MYLIP: variants seen among roughly 807,000 people sequenced by gnomAD.
The protein encoded by MYLIP is myosin regulatory light chain interacting protein, also known as E3 ubiquitin-protein ligase MYLIP.
MYLIP carries 26 observed loss-of-function variants against 45.8 expected under a neutral mutation model. The observed-to-expected ratio is 0.57, with a 90% CI of 0.42 to 0.79. The LOEUF (loss-of-function observed/expected upper bound fraction) is 0.79, where lower values mean the gene tolerates loss of function less well. MYLIP is among the 30% of genes least tolerant of loss of function. MYLIP has a pLI of 0.00. For synonymous variants in MYLIP, 213 were observed against 218.1 expected (o/e 0.98, Z 0.21); for missense variants, 494 against 555.6 (o/e 0.89, Z 1.11).
intron 5 of MYLIP, among the ~76,000 whole-genome samples, chr6:16,144,532 AC>A (rs1204061410): frequency 2.0e-5 from 3 of 152,230 alleles, no homozygotes; most frequent in African/African-American, 7.2e-5. Context: ...AAATAGATAC[AC>A]AAATTGTGAA....
rs116454818 is a variant in MYLIP at position 16,136,480 on chromosome 6, C to A, written c.279-5145C>A. The stretch of plus-strand genomic sequence containing the variant: ...ATCTAGTGTTTGTTTATCCGTACTC[C>A]TAATAATGAACACCTGTTTTCCAGC... On this transcript the variant is annotated intron_variant, in intron 2 of 6. Coordinates refer to ENST00000356840, the MANE Select transcript of MYLIP (RefSeq NM_013262.4). Among the ~76,000 whole-genome samples the A allele has an allele frequency of 2.2e-3, 338 of 152,212 alleles. 1 individual carries two copies. Among genetic ancestry groups the A allele is most frequent in the African/African-American group, 7.7e-3 (319 of 41,528 alleles).
downstream of MYLIP, among the ~76,000 whole-genome samples, chr6:16,150,593 C>T (rs1015873613): frequency 4.6e-5 from 7 of 151,984 alleles, no homozygotes; most frequent in East Asian, 9.6e-4. Context: ...ACTCGGAGGC[C>T]GGGAGGCGAG....
chr6:16,138,886 C>T (rs1014807712), intron 2 of MYLIP, among the ~76,000 whole-genome samples: 5 of 152,174 alleles, frequency 3.3e-5, no homozygotes, highest in African/African-American at 7.2e-5. Flanking sequence ...GGTCAATCAT[C>T]GCCCTTGCTA....
chr6:16,137,969 G>A (rs1031774665), intron 2 of MYLIP, among the ~76,000 whole-genome samples: 7 of 151,950 alleles, frequency 4.6e-5, no homozygotes, highest in Admixed American at 1.3e-4. Context: ...AGAATGTTAC[G>A]CCTTGGGCCC....
chr6:16,163,180 C>T, the MYLIP span, among the ~76,000 whole-genome samples: 5 of 152,314 alleles, frequency 3.3e-5, no homozygotes, highest in Admixed American at 2.0e-4. Context: ...GGAGGTAATA[C>T]ACTTTTTCCT....
rs912820169 is a variant in MYLIP, at chr6:16,129,538, C to G, written c.87+129C>G. On this transcript the variant is annotated intron_variant, in intron 1 of 6. Coordinates refer to ENST00000356840, the MANE Select transcript of MYLIP (RefSeq NM_013262.4). This position sits in a 1 kb window ranked among gnomAD's most constrained non-coding sequence, Gnocchi z 5.1. ...GCACTGCGGCGGCAGCCGGGGGGAGCGCGTCCCCTCCTCTCCACGGGCGTG... is the reference window on the plus strand; with the variant it reads ...GCACTGCGGCGGCAGCCGGGGGGAGGGCGTCCCCTCCTCTCCACGGGCGTG... 4 of 863,874 alleles carry G rather than the reference C, an allele frequency of 4.6e-6. No individual in the cohort carries two copies. The highest frequency in any genetic ancestry group is 6.9e-6 in the Non-Finnish European group (4 of 580,958). 53.5% of individuals were successfully genotyped at this position (863,874 alleles called of 1,614,324 possible).
chr6:16,161,265 C>T, the MYLIP span: 5 of 368,722 alleles, frequency 1.4e-5, no homozygotes, highest in East Asian at 8.5e-5. Flanking sequence ...ACACCCAGAC[C>T]TTCAGCCTTC....
At chr6:16,153,546 A>C in the MYLIP span, among the ~76,000 whole-genome samples, 1 of 152,202 alleles carries the variant, frequency 6.6e-6, no homozygotes, top group South Asian at 2.1e-4. Context: ...TAGTAGTTTC[A>C]AATGTGGAGT....
chr6:16,162,182 A>G, the MYLIP span, among the ~76,000 whole-genome samples: 3 of 152,232 alleles, frequency 2.0e-5, no homozygotes, highest in African/African-American at 7.2e-5. Flanking sequence ...AAATGTGAAA[A>G]TGAAATTTCC....
At chr6:16,139,387 C>CA (rs111591442) in intron 2 of MYLIP, among the ~76,000 whole-genome samples, 3,237 of 72,546 alleles carry the variant, frequency 0.045, 44 homozygotes, top group Middle Eastern at 0.098. Flanking sequence ...GACTCCATCT[C>CA]AAAAAAAAAA....
chr6:16,158,627 C>T, the MYLIP span, among the ~76,000 whole-genome samples: 1 of 152,126 alleles, frequency 6.6e-6, no homozygotes, highest in African/African-American at 2.4e-5. Context: ...TGGGACAAGT[C>T]GAATAAGCTC....
intron 2 of MYLIP, among the ~76,000 whole-genome samples, chr6:16,138,104 T>C (rs1026787869): frequency 6.6e-6 from 1 of 152,254 alleles, no homozygotes; most frequent in Non-Finnish European, 1.5e-5. Context: ...AGCTTATTTA[T>C]GCTCATAGGA....
intron 2 of MYLIP, among the ~76,000 whole-genome samples, chr6:16,131,626 C>G (rs910519320): frequency 6.6e-6 from 1 of 152,154 alleles, no homozygotes; most frequent in African/African-American, 2.4e-5. Flanking sequence ...GATCTAAGTT[C>G]TAATGTTTTT....
intron 6 of MYLIP, among the ~76,000 whole-genome samples, chr6:16,145,607 A>G (rs1165560120): frequency 1.3e-5 from 2 of 152,186 alleles, no homozygotes; most frequent in South Asian, 2.1e-4. Context: ...ACCTGAGGAC[A>G]AGAATCCAGG....
At chr6:16,150,728 C>A (rs1270067578), downstream of MYLIP, among the ~76,000 whole-genome samples, 1 of 152,076 alleles carries the variant, frequency 6.6e-6, no homozygotes, top group Non-Finnish European at 1.5e-5. Flanking sequence ...ACTCAACAGG[C>A]GGATCTGCCA....
At chr6:16,140,395 T>C (rs1724271989) in intron 2 of MYLIP, among the ~76,000 whole-genome samples, 1 of 152,162 alleles carries the variant, frequency 6.6e-6, no homozygotes, top group South Asian at 2.1e-4. Flanking sequence ...TGTATACAAC[T>C]AGGATGGGCT....
the MYLIP span, chr6:16,161,335 T>C: frequency 6.9e-6 from 2 of 291,008 alleles, no homozygotes; most frequent in Non-Finnish European, 1.4e-5. Context: ...GTGCCCACAA[T>C]TATCCTGATC....
At chr6:16,144,577 A>G (rs1024654989) in intron 5 of MYLIP, among the ~76,000 whole-genome samples, 11 of 152,238 alleles carry the variant, frequency 7.2e-5, no homozygotes, top group African/African-American at 2.7e-4. Context: ...TTTCTAACCT[A>G]AAAGCCAAGA....
At chr6:16,154,770 A>G in the MYLIP span, among the ~76,000 whole-genome samples, 4 of 152,188 alleles carry the variant, frequency 2.6e-5, no homozygotes, top group Non-Finnish European at 5.9e-5. Flanking sequence ...TGCACCAGTC[A>G]GTCCTCATTA....
Sources: gnomAD v4.1 joint callset for allele counts (sites outside exome capture counted in the v4.1 genomes callset) on GRCh38, gnomAD v4.1.1 for gene constraint, Gnocchi (gnomAD v3.1) non-coding constraint, MANE v1.5 for transcripts, NCBI Gene and HGNC (gene_info 2026-07-23, HGNC 2026-07-21) for gene names.